CAMTA1: variants seen among roughly 807,000 people sequenced by gnomAD.
CAMTA1 encodes the protein calmodulin binding transcription activator 1.
A neutral mutation model predicts 170.9 loss-of-function variants in CAMTA1; 27 were observed. That is an observed-to-expected ratio of 0.16 (90% CI 0.12 to 0.22). The LOEUF (loss-of-function observed/expected upper bound fraction) is 0.22, where lower values mean the gene tolerates loss of function less well. Among genes scored for constraint, CAMTA1 ranks in the 10% least tolerant of loss-of-function variants. CAMTA1 has a pLI of 1.00. For missense variants in CAMTA1, 1,619 were observed against 2,217.2 expected, an observed-to-expected ratio of 0.73 and a Z score of 5.42; for synonymous variants, 833 against 891.5, an observed-to-expected ratio of 0.93 and a Z score of 1.17.
intron 3 of CAMTA1, among the ~76,000 whole-genome samples, chr1:6,840,493 C>T (rs1168533362): frequency 6.6e-6 from 1 of 152,104 alleles, no homozygotes; most frequent in Non-Finnish European, 1.5e-5. Flanking sequence ...ATTTTGTGGC[C>T]TCAGCTACTG....
chr1:7,678,235 T>A (rs1260120214), intron 11 of CAMTA1, among the ~76,000 whole-genome samples: 1 of 152,246 alleles, frequency 6.6e-6, no homozygotes, highest in Non-Finnish European at 1.5e-5. Context: ...GGGGGCTTGC[T>A]TCTGCCTTTT....
intron 5 of CAMTA1, among the ~76,000 whole-genome samples, chr1:7,335,092 C>T (rs1023270690): frequency 3.5e-5 from 3 of 86,528 alleles, no homozygotes; most frequent in Admixed American, 1.6e-4. Context: ...CTATATACTA[C>T]GGAGAAGAGG....
Position 7,547,141 on chromosome 1 carries a change from G to A in CAMTA1, c.510+79240G>A, listed in dbSNP as rs114668363. Among the ~76,000 whole-genome samples, 572 of 152,212 alleles carry A rather than the reference G, an allele frequency of 3.8e-3. 7 individuals carry two copies. Among genetic ancestry groups the A allele is most frequent in the African/African-American group, 0.013 (553 of 41,522 alleles). On this transcript the variant is annotated intron_variant, in intron 6 of 22. Coordinates refer to ENST00000303635, the MANE Select transcript of CAMTA1 (RefSeq NM_015215.4). This position sits in a 1 kb window ranked among gnomAD's most constrained non-coding sequence, Gnocchi z 5.7. ...CTGGTTTCTGGGTCATTTGATATAA[G>A]CCCAATCATTCTTTGAGCACTTCCT...
intron 6 of CAMTA1, among the ~76,000 whole-genome samples, chr1:7,563,463 C>A (rs923657774): frequency 6.6e-6 from 1 of 152,210 alleles, no homozygotes; most frequent in African/African-American, 2.4e-5. Context: ...GCCTTCTGTT[C>A]CCACTCGGGC....
At chr1:7,640,650 G>A (rs1240878828) in intron 7 of CAMTA1, 97 bp downstream of exon 7, 20 of 1,404,966 alleles carry the variant, frequency 1.4e-5, no homozygotes, top group Admixed American at 5.3e-5. Context: ...TTGGGGATGC[G>A]GGTCCGGAGC....
intron 3 of CAMTA1, among the ~76,000 whole-genome samples, chr1:6,894,259 G>GTT (rs1421678922): frequency 6.6e-6 from 1 of 152,218 alleles, no homozygotes; most frequent in African/African-American, 2.4e-5. Flanking sequence ...TGAAAGCGAA[G>GTT]TTGCTGGGAA....
chr1:6,987,896 A>G (rs1695624131), intron 3 of CAMTA1, among the ~76,000 whole-genome samples: 1 of 152,070 alleles, frequency 6.6e-6, no homozygotes, highest in African/African-American at 2.4e-5. Context: ...CCAGGTGGGC[A>G]TCATCCGCAG....
At chr1:7,505,593 G>C (rs548744653) in intron 6 of CAMTA1, among the ~76,000 whole-genome samples, 201 of 152,338 alleles carry the variant, frequency 1.3e-3, no homozygotes, top group South Asian at 8.9e-3. Flanking sequence ...GGACCTGGCG[G>C]TGCCCCAGGG....
In CAMTA1 at chr1:7,064,893, G is replaced by A. The variant is rs1251236080; in HGVS notation, c.235-26411G>A. Among the ~76,000 whole-genome samples the A allele has an allele frequency of 6.6e-6, 1 of 152,146 alleles. No homozygotes were observed. Among genetic ancestry groups the A allele is most frequent in the African/African-American group, 2.4e-5 (1 of 41,430 alleles). On this transcript the variant is annotated intron_variant, in intron 3 of 22. Transcript: ENST00000303635. The surrounding 1 kb of genome is among the most constrained non-coding windows in gnomAD (Gnocchi z 5.4). ...GGCAAGACATGGCAGCCACTTAGAT[G>A]AGGATCTGGGAGGGGAGAAGAAGAG... is the stretch of plus-strand genomic sequence containing the variant.
intron 4 of CAMTA1, among the ~76,000 whole-genome samples, chr1:7,240,568 C>A (rs1037433235): frequency 8.0e-5 from 12 of 149,744 alleles, no homozygotes; most frequent in Non-Finnish European, 1.5e-4. Flanking sequence ...GTCACCCAGG[C>A]TGGAGTGCAG....
rs758263844 is a variant in CAMTA1 at position 7,736,560 on chromosome 1, G to C, written c.3263+20G>C. The C allele has an allele frequency of 1.2e-6, 2 of 1,611,498 alleles. No individual in the cohort carries two copies. The highest frequency in any genetic ancestry group is 3.3e-5 in the Admixed American group (2 of 60,000). ...ATGGCGGTAAGGCTGTGGTGCAGCT[G>C]GCTGGGGGTCAGCCTCGCACATCCT... On this transcript the variant is annotated intron_variant, in intron 13 of 22. Coordinates refer to ENST00000303635, the MANE Select transcript of CAMTA1 (RefSeq NM_015215.4). This position sits in a 1 kb window ranked among gnomAD's most constrained non-coding sequence, Gnocchi z 4.5.
At chr1:6,821,621 A>C (rs1646496493) in intron 2 of CAMTA1, among the ~76,000 whole-genome samples, 1 of 152,154 alleles carries the variant, frequency 6.6e-6, no homozygotes, top group Non-Finnish European at 1.5e-5. Flanking sequence ...AATGAATAAC[A>C]GTGTTCATCA....
At chr1:7,763,218 T>C (rs1216630644) in intron 22 of CAMTA1, among the ~76,000 whole-genome samples, 1 of 152,228 alleles carries the variant, frequency 6.6e-6, no homozygotes, top group Non-Finnish European at 1.5e-5. Context: ...TGTATAGCTA[T>C]TGGAATTTAA....
At chr1:7,283,587 C>T (rs1671820764) in intron 5 of CAMTA1, among the ~76,000 whole-genome samples, 1 of 152,198 alleles carries the variant, frequency 6.6e-6, no homozygotes, top group East Asian at 1.9e-4. Flanking sequence ...TAAGTCCAAA[C>T]CCCAAGTCAT....
At chr1:7,278,215 C>G (rs1271780938) in intron 5 of CAMTA1, among the ~76,000 whole-genome samples, 1 of 152,220 alleles carries the variant, frequency 6.6e-6, no homozygotes, top group Non-Finnish European at 1.5e-5. Flanking sequence ...CAAACATGCC[C>G]CACCCCACAG....
chr1:6,884,387 T>G (rs1672583902), intron 3 of CAMTA1, among the ~76,000 whole-genome samples: 1 of 151,764 alleles, frequency 6.6e-6, no homozygotes, highest in African/African-American at 2.4e-5. Flanking sequence ...TGAATAAAAA[T>G]TGATAATATC....
At chr1:6,913,842 G>A (rs570042731) in intron 3 of CAMTA1, among the ~76,000 whole-genome samples, 60 of 152,040 alleles carry the variant, frequency 3.9e-4, no homozygotes, top group African/African-American at 1.3e-3. Flanking sequence ...CTGGTGGAAG[G>A]GACTGCATGA....
chr1:7,332,726 G>C (rs1024095951), intron 5 of CAMTA1, among the ~76,000 whole-genome samples: 1 of 152,202 alleles, frequency 6.6e-6, no homozygotes, highest in African/African-American at 2.4e-5. Flanking sequence ...TAATTTAGGA[G>C]GCTGCTGATG....
chr1:7,310,629 TTTC>T (rs1468761444), intron 5 of CAMTA1, among the ~76,000 whole-genome samples: 1 of 7,316 alleles, frequency 1.4e-4, no homozygotes, highest in African/African-American at 6.0e-4. Flanking sequence ...TCTTTCTTTC[TTTC>T]TTTCTTTCTT....
Sources: allele counts gnomAD v4.1 joint callset (sites outside exome capture counted in the v4.1 genomes callset), GRCh38; gene constraint gnomAD v4.1.1; non-coding constraint Gnocchi (gnomAD v3.1); transcripts MANE v1.5; gene names NCBI Gene and HGNC (gene_info 2026-07-23, HGNC 2026-07-21).